SDK1: variants seen among roughly 807,000 people sequenced by gnomAD.
SDK1 encodes protein sidekick-1.
SDK1 carries 157 observed loss-of-function variants against 245.5 expected under a neutral mutation model. The observed-to-expected ratio is 0.64, with a 90% CI of 0.56 to 0.73. SDK1 has a LOEUF of 0.73. Ranked by LOEUF, SDK1 falls within the 30% of genes least tolerant of loss-of-function variation. The pLI is 0.00. For missense variants in SDK1, 3,583 were observed against 3,002.3 expected (o/e 1.19, Z -4.52); for synonymous variants, 1,647 against 1,278.5 (o/e 1.29, Z -6.15).
At chr7:3,417,465 T>C (rs763960026) in intron 1 of SDK1, among the ~76,000 whole-genome samples, 7 of 152,154 alleles carry the variant, frequency 4.6e-5, no homozygotes, top group Non-Finnish European at 1.0e-4. Context: ...TTTCTCTCTC[T>C]TACTTGCTGC....
intron 7 of SDK1, among the ~76,000 whole-genome samples, chr7:3,957,262 C>A (rs11981174): frequency 6.6e-6 from 1 of 152,184 alleles, no homozygotes; most frequent in Non-Finnish European, 1.5e-5. Flanking sequence ...ATGGGACGTG[C>A]ATGTGCCGTC....
chr7:3,539,061 C>G (rs1006535879), intron 1 of SDK1, among the ~76,000 whole-genome samples: 5 of 152,106 alleles, frequency 3.3e-5, no homozygotes, highest in African/African-American at 1.2e-4. Flanking sequence ...TGAATACTTT[C>G]TGCGATCATT....
rs1228659152 is a variant in SDK1 at position 3,782,924 on chromosome 7, G to GAGAGTTAAAGGTC, written c.714-38523_714-38511dup. Among the ~76,000 whole-genome samples, 5 of 152,266 alleles carry GAGAGTTAAAGGTC rather than the reference G, an allele frequency of 3.3e-5. No individual in the cohort carries two copies. The East Asian group carries it at 9.6e-4, about 29-fold the overall frequency. On this transcript the variant is annotated intron_variant, in intron 4 of 44. Coordinates refer to ENST00000404826, the MANE Select transcript of SDK1 (RefSeq NM_152744.4). Reference sequence around the variant, plus strand: ...AGCCAAACAAGAACATTATAAGAAAGAGAGTTAAAGGTCAGTGTTCTTGAT... The same window carrying GAGAGTTAAAGGTC: ...AGCCAAACAAGAACATTATAAGAAAGAGAGTTAAAGGTCAGAGTTAAAGGTCAGTGTTCTTGAT...
At chr7:3,651,515 C>A (rs1334758123) in intron 4 of SDK1, among the ~76,000 whole-genome samples, 2 of 152,038 alleles carry the variant, frequency 1.3e-5, no homozygotes, top group East Asian at 3.9e-4. Context: ...CAGAATAAAA[C>A]ACAGAGGAAA....
chr7:4,000,527 C>G (rs1784995958), intron 14 of SDK1, among the ~76,000 whole-genome samples: 1 of 152,160 alleles, frequency 6.6e-6, no homozygotes, highest in South Asian at 2.1e-4. Context: ...GGTTCTTCCC[C>G]TGCCACAGGT....
chr7:3,511,997 G>C (rs1032472430), intron 1 of SDK1, among the ~76,000 whole-genome samples: 2 of 150,594 alleles, frequency 1.3e-5, no homozygotes, highest in Non-Finnish European at 3.0e-5. Context: ...CTTTACATTA[G>C]AATTCACTCT....
chr7:4,014,490 A>T (rs991460769), intron 16 of SDK1, among the ~76,000 whole-genome samples: 1 of 152,210 alleles, frequency 6.6e-6, no homozygotes, highest in Non-Finnish European at 1.5e-5. Context: ...ATTTCCGCAT[A>T]ATCCTCTGGT....
intron 1 of SDK1, among the ~76,000 whole-genome samples, chr7:3,461,263 C>G (rs1353665139): frequency 6.6e-6 from 1 of 152,118 alleles, no homozygotes; most frequent in Non-Finnish European, 1.5e-5. Flanking sequence ...ATTTTTGGAA[C>G]CTTGTTTTCT....
chr7:4,240,833 C>A (rs911188524), intron 42 of SDK1, among the ~76,000 whole-genome samples: 1 of 152,020 alleles, frequency 6.6e-6, no homozygotes, highest in Non-Finnish European at 1.5e-5. Flanking sequence ...GAGAGAAACC[C>A]GGGAAATACT....
At chr7:3,587,258 A>G (rs1780720692) in intron 1 of SDK1, among the ~76,000 whole-genome samples, 1 of 152,030 alleles carries the variant, frequency 6.6e-6, no homozygotes, top group Non-Finnish European at 1.5e-5. Context: ...GATTTTAAAC[A>G]TTTGCTGTTT....
rs115067239 is a variant in SDK1, at chr7:4,192,883, A to T, written c.5099-12996A>T. Among the ~76,000 whole-genome samples, 1,462 of 151,742 alleles carry T rather than the reference A, an allele frequency of 9.6e-3. 25 individuals are homozygous for T. Among genetic ancestry groups the T allele is most frequent in the African/African-American group, 0.033 (1,381 of 41,318 alleles). ...AGCAGCTCTCAGACATCATATATAG[A>T]GGTTTACAACATCATATCATTTTAT... On this transcript the variant is annotated intron_variant, in intron 35 of 44. Coordinates refer to ENST00000404826, the MANE Select transcript of SDK1 (RefSeq NM_152744.4).
rs146116047 is a variant in SDK1 at position 4,110,731 on chromosome 7, G to A, written c.3393G>A (p.Gln1131=). 1.9e-6 allele frequency: 3 copies of A among 1,613,980 alleles called. No homozygotes were observed. Among genetic ancestry groups the A allele is most frequent in the African/African-American group, 2.7e-5 (2 of 75,010 alleles). ...LYEEENEPDA[Q]MLEIPNLTPY... ...AAGAGGAGAATGAGCCTGATGCCCA[G>A]ATGCTGGAGATCCCAAACCTCACAC... The change falls in exon 23 of 45, where the codon CAG becomes CAA. Residue 1131 remains glutamine, a synonymous_variant. Transcript: ENST00000404826.
Position 3,552,180 on chromosome 7 carries a change from G to A in SDK1, c.299-66900G>A, listed in dbSNP as rs535470895. On this transcript the variant is annotated intron_variant, in intron 1 of 44. Transcript: ENST00000404826. ...AGCCTCCTGAGTAGCTGGGACTACA[G>A]GCGCCCACCACCAAGCCTGGCTAAT... is the stretch of plus-strand genomic sequence containing the variant. 9.9e-5 allele frequency among the ~76,000 whole-genome samples: 15 copies of A among 152,212 alleles called. No homozygotes were observed. In the South Asian group the frequency reaches 1.2e-3, roughly 13 times the overall value.
At chr7:3,559,911 C>G (rs78731295) in intron 1 of SDK1, among the ~76,000 whole-genome samples, 3,128 of 152,266 alleles carry the variant, frequency 0.021, 109 homozygotes, top group African/African-American at 0.071. Context: ...ATAAATGTTT[C>G]AGGATGATTG....
At chr7:3,312,855 A>G (rs1319825977) in intron 1 of SDK1, among the ~76,000 whole-genome samples, 4 of 152,332 alleles carry the variant, frequency 2.6e-5, no homozygotes, top group African/African-American at 7.2e-5. Context: ...CATAATCAAT[A>G]CAAGTTCTGC....
Position 4,129,978 on chromosome 7 carries a change from CG to C in SDK1, c.4012del (p.Ala1338ProfsTer45), listed in dbSNP as rs1437212847. 1 of 1,613,676 alleles carries C rather than the reference CG, an allele frequency of 6.2e-7. No homozygotes were observed. The highest frequency in any genetic ancestry group is 8.5e-7 in the Non-Finnish European group (1 of 1,179,992). On this transcript the variant is annotated frameshift_variant, in exon 27 of 45. Transcript: ENST00000404826. LOFTEE classifies it high-confidence loss of function. The part of the protein sequence containing the change: ...SHIVRGNHTQ[S>X]ALLAGLRKFV... ...ATCGTGCGAGGGAACCACACGCAGTCGGCCCTGCTGGCAGGCCTGCGCAAGT... is the reference window on the plus strand; with the variant it reads ...ATCGTGCGAGGGAACCACACGCAGTCGCCCTGCTGGCAGGCCTGCGCAAGT...
chr7:3,748,900 T>G (rs1285637706), intron 4 of SDK1, among the ~76,000 whole-genome samples: 2 of 152,142 alleles, frequency 1.3e-5, no homozygotes, highest in Non-Finnish European at 2.9e-5. Flanking sequence ...TCCAGACAAT[T>G]TTTTGTTGTT....
intron 4 of SDK1, among the ~76,000 whole-genome samples, chr7:3,810,166 C>T: frequency 6.6e-6 from 1 of 152,176 alleles, no homozygotes; most frequent in Non-Finnish European, 1.5e-5. Context: ...GAGGAGCCCC[C>T]CCATATCTGG....
At chr7:3,783,246 C>T (rs1583409234) in intron 4 of SDK1, among the ~76,000 whole-genome samples, 1 of 152,122 alleles carries the variant, frequency 6.6e-6, no homozygotes, top group East Asian at 1.9e-4. Flanking sequence ...GAGAGAATCC[C>T]ACAATTAAAA....
Sources: allele counts gnomAD v4.1 joint callset (sites outside exome capture counted in the v4.1 genomes callset), GRCh38; gene constraint gnomAD v4.1.1; transcripts MANE v1.5; gene names NCBI Gene and HGNC (gene_info 2026-07-23, HGNC 2026-07-21).